The following LHX4 variants were observed in gnomAD, a reference collection of about 807,000 sequenced individuals.
LHX4 encodes LIM homeobox 4.
A neutral mutation model predicts 39.2 loss-of-function variants in LHX4; 16 were observed. The ratio of observed to expected loss-of-function variants is 0.41; its 90% CI spans 0.28 to 0.62. The LOEUF (loss-of-function observed/expected upper bound fraction) is 0.62, where lower values mean the gene tolerates loss of function less well. Among genes scored for constraint, LHX4 ranks in the 20% least tolerant of loss-of-function variants. LHX4 has a pLI of 0.33. For synonymous variants in LHX4, 206 were observed against 198.1 expected, an observed-to-expected ratio of 1.04 and a Z score of -0.33; for missense variants, 439 against 511.9, an observed-to-expected ratio of 0.86 and a Z score of 1.37.
chr1:180,248,135 A>G, intron 1 of LHX4, 150 bp from the exon 2 acceptor site: 1 of 752,934 alleles, frequency 1.3e-6, no homozygotes, highest in Non-Finnish European at 2.4e-6. Flanking sequence ...TGTGCAATGT[A>G]TAACCTGTAC....
chr1:180,268,608 G>A (rs1252482556), intron 3 of LHX4, among the ~76,000 whole-genome samples: 1 of 152,198 alleles, frequency 6.6e-6, no homozygotes, highest in African/African-American at 2.4e-5. Context: ...ACGTAGGGCT[G>A]TTTTCCTGAG....
intron 2 of LHX4, among the ~76,000 whole-genome samples, chr1:180,258,068 G>T (rs1215145483): frequency 1.3e-5 from 2 of 152,236 alleles, no homozygotes; most frequent in Admixed American, 6.5e-5. Flanking sequence ...TCCTGCTCTG[G>T]GTGCTGGATT....
At chr1:180,229,413 C>G (rs1309754962), upstream of LHX4, among the ~76,000 whole-genome samples, 2 of 152,074 alleles carry the variant, frequency 1.3e-5, no homozygotes, top group Non-Finnish European at 2.9e-5. Flanking sequence ...CCGCGGTCTG[C>G]GGGGACGCGC....
rs1664201599 is a variant in LHX4 at position 180,232,280 on chromosome 1, G to T, written c.76+1675G>T. Among the ~76,000 whole-genome samples the T allele has an allele frequency of 6.6e-6, 1 of 152,196 alleles. No individual in the cohort carries two copies. The highest frequency in any genetic ancestry group is 1.5e-5 in the Non-Finnish European group (1 of 68,036). On this transcript the variant is annotated intron_variant, in intron 1 of 5. Transcript: ENST00000263726. This position sits in a 1 kb window ranked among gnomAD's most constrained non-coding sequence, Gnocchi z 5.4. ...TGTGCTTTCATGGCTGTGGTCCGTA[G>T]GTGACCTGTCTGTTGGGACCCCAAT...
At chr1:180,231,805 C>T (rs1664189491) in intron 1 of LHX4, among the ~76,000 whole-genome samples, 1 of 152,156 alleles carries the variant, frequency 6.6e-6, no homozygotes, top group South Asian at 2.1e-4. Flanking sequence ...AGCGCGCCCT[C>T]CTGCGCCTCG....
At chr1:180,255,854 A>G (rs1372768889) in intron 2 of LHX4, among the ~76,000 whole-genome samples, 1 of 152,240 alleles carries the variant, frequency 6.6e-6, no homozygotes. Context: ...GGCTTAGAGG[A>G]ATCTGTTTGG....
In LHX4 at chr1:180,274,145, C is replaced by G. The variant is rs372423199; in HGVS notation, c.779-40C>G. On this transcript the variant is annotated intron_variant, in intron 5 of 5. Transcript: ENST00000263726. ...GTGAAGAGCAGGGGACCATCAGAGT[C>G]CTGGCAGCTGACAATAAATCTCCGT... 13 of 1,613,312 alleles carry G rather than the reference C, an allele frequency of 8.1e-6. 1 individual carries two copies. The highest frequency in any genetic ancestry group is 9.3e-6 in the Non-Finnish European group (11 of 1,179,456).
chr1:180,249,301 C>T (rs996627919), intron 2 of LHX4, among the ~76,000 whole-genome samples: 1 of 152,184 alleles, frequency 6.6e-6, no homozygotes, highest in Non-Finnish European at 1.5e-5. Context: ...CCTGTTGGAG[C>T]TTTGGATCAG....
At chr1:180,269,767 A>T (rs1247616331) in intron 3 of LHX4, 1 of 152,234 alleles carries the variant, frequency 6.6e-6, no homozygotes, top group Non-Finnish European at 1.5e-5. Flanking sequence ...GACTATAAAT[A>T]TGCACAGAAG....
rs988979407 is a variant in LHX4, at chr1:180,248,532, C to A, written c.248+76C>A. ...CAAGCAGTGAGGGGGAAGTTTGCAG[C>A]AGGGTAGGCCAGGGAGGGTGGAGAG... On this transcript the variant is annotated intron_variant, in intron 2 of 5. Transcript: ENST00000263726. 4.0e-6 allele frequency: 6 copies of A among 1,499,254 alleles called. No individual in the cohort carries two copies. The African/African-American group carries it at 6.9e-5, about 17-fold the overall frequency. The allele number at this position is 1,499,254 out of a possible 1,614,324, so 92.9% of individuals were successfully genotyped here.
At chr1:180,267,473 A>G (rs1219823656) in intron 3 of LHX4, among the ~76,000 whole-genome samples, 1 of 152,240 alleles carries the variant, frequency 6.6e-6, no homozygotes, top group East Asian at 1.9e-4. Flanking sequence ...CCCCTCGCAA[A>G]GCCAAGGTGG....
At position 180,276,313 on chromosome 1, in the gene LHX4, T is replaced by C. The variant is rs1279177043; in HGVS notation, c.*1734T>C. ...TCCTCTTGGACTGCTACATCTTTTG[T>C]AAGCCCTTTTCCAGGACTAAACTAA... On this transcript the variant is annotated 3_prime_UTR_variant, in exon 6 of 6. Transcript: ENST00000263726. 1.3e-5 allele frequency: 2 copies of C among 148,818 alleles called. No homozygotes were observed. The highest frequency in any genetic ancestry group is 3.0e-5 in the Non-Finnish European group (2 of 67,438). 9.2% of individuals were successfully genotyped at this position (148,818 alleles called of 1,614,324 possible).
Position 180,248,869 on chromosome 1 carries a change from C to G in LHX4, c.248+413C>G, listed in dbSNP as rs143449386. 9.9e-3 allele frequency among the ~76,000 whole-genome samples: 1,508 copies of G among 152,348 alleles called. 12 individuals are homozygous for G. The highest frequency in any genetic ancestry group is 0.017 in the Non-Finnish European group (1,172 of 68,028). On this transcript the variant is annotated intron_variant, in intron 2 of 5. Transcript: ENST00000263726. Reference sequence around the variant, plus strand: ...CTTTCAGAGCAGCTGCTTTTAGGTTCATGTCCACATCCAGAGGCGTCTCTG... The same window carrying G: ...CTTTCAGAGCAGCTGCTTTTAGGTTGATGTCCACATCCAGAGGCGTCTCTG...
Position 180,266,322 on chromosome 1 carries a change from T to G in LHX4, c.249-70T>G, listed in dbSNP as rs1350337821. ...AGTGGTGGGGTAGGAGGGAGGCTGC[T>G]CCAGGAAGTTGGGGGAAGCCAGATC... On this transcript the variant is annotated intron_variant, in intron 2 of 5. Coordinates refer to ENST00000263726, the MANE Select transcript of LHX4 (RefSeq NM_033343.4). This position sits in a 1 kb window ranked among gnomAD's most constrained non-coding sequence, Gnocchi z 5.7. 1 of 1,505,784 alleles carries G rather than the reference T, an allele frequency of 6.6e-7. No homozygotes were observed. Among genetic ancestry groups the G allele is most frequent in the Non-Finnish European group, 9.2e-7 (1 of 1,085,188 alleles). The allele number at this position is 1,505,784 out of a possible 1,614,324, so 93.3% of individuals were successfully genotyped here. A position where few individuals can be genotyped will look rare whatever the true frequency, so the allele number is the denominator to read the frequency against.
intron 2 of LHX4, among the ~76,000 whole-genome samples, chr1:180,253,948 G>A (rs1425067492): frequency 6.6e-6 from 1 of 152,212 alleles, no homozygotes; most frequent in African/African-American, 2.4e-5. Context: ...GTCCATGGGA[G>A]AAACCTGCCA....
chr1:180,271,905 A>G lies in LHX4; in HGVS notation c.677A>G (p.Gln226Arg). The stretch of plus-strand genomic sequence containing the variant: ...GATGCAGGGCGGCACCGCTGGGGGC[A>G]GTTCTATAAGAGCGTCAAGAGGAGC... ...KKDAGRHRWG[Q>R]FYKSVKRSRG... The change falls in exon 5 of 6, where the codon CAG (glutamine) becomes CGG (arginine). Residue 226 changes from glutamine to arginine, a missense_variant. Physicochemically the swap from Gln to Arg is conservative, Grantham distance 43. Transcript: ENST00000263726. 2 of 1,613,628 alleles carry G rather than the reference A, an allele frequency of 1.2e-6. No individual in the cohort carries two copies. The highest frequency in any genetic ancestry group is 1.7e-6 in the Non-Finnish European group (2 of 1,179,942).
Position 180,237,194 on chromosome 1 carries a change from G to T in LHX4, c.76+6589G>T, listed in dbSNP as rs1204424070. Among the ~76,000 whole-genome samples, 3 of 136,094 alleles carry T rather than the reference G, an allele frequency of 2.2e-5. No homozygotes were observed. In the East Asian group the frequency reaches 7.5e-4, roughly 34 times the overall value. The allele number at this position is 136,094 out of a possible 152,430, so 89.3% of individuals were successfully genotyped here. Reference sequence around the variant, plus strand: ...AACATGGGATAGTGCAGGAATTCACGACACAGGGGTTTTACTCGGCGGGGG... The same window carrying T: ...AACATGGGATAGTGCAGGAATTCACTACACAGGGGTTTTACTCGGCGGGGG... On this transcript the variant is annotated intron_variant, in intron 1 of 5. Coordinates refer to ENST00000263726, the MANE Select transcript of LHX4 (RefSeq NM_033343.4).
chr1:180,247,368 A>G (rs1208965333), intron 1 of LHX4, among the ~76,000 whole-genome samples: 1 of 152,136 alleles, frequency 6.6e-6, no homozygotes, highest in Non-Finnish European at 1.5e-5. Flanking sequence ...GTGACTTTCA[A>G]CTCAGTGGAG....
intron 2 of LHX4, among the ~76,000 whole-genome samples, chr1:180,261,945 C>CT (rs2149261678): frequency 6.6e-6 from 1 of 152,284 alleles, no homozygotes; most frequent in East Asian, 1.9e-4. Context: ...ACTGGTTAAT[C>CT]TTTTTCTAGC....
Sources: gnomAD v4.1 joint callset for allele counts (sites outside exome capture counted in the v4.1 genomes callset) on GRCh38, gnomAD v4.1.1 for gene constraint, Gnocchi (gnomAD v3.1) non-coding constraint, MANE v1.5 for transcripts, NCBI Gene and HGNC (gene_info 2026-07-23, HGNC 2026-07-21) for gene names.